PLCB1: variants seen among roughly 807,000 people sequenced by gnomAD.
PLCB1 encodes 1-phosphatidylinositol 4,5-bisphosphate phosphodiesterase beta-1.
PLCB1 carries 46 observed loss-of-function variants against 161.8 expected under a neutral mutation model. The ratio of observed to expected loss-of-function variants is 0.28; its 90% confidence interval spans 0.22 to 0.36. PLCB1 has a LOEUF of 0.36. PLCB1 is among the 10% of genes least tolerant of loss of function. PLCB1 has a pLI of 1.00. For synonymous variants in PLCB1, 517 were observed against 503.7 expected, an observed-to-expected ratio of 1.03 and a Z score of -0.35; for missense variants, 1,016 against 1,472.5, an observed-to-expected ratio of 0.69 and a Z score of 5.07.
intron 2 of PLCB1, among the ~76,000 whole-genome samples, chr20:8,320,889 GAAA>G (rs1984886058): frequency 6.8e-6 from 1 of 148,056 alleles, no homozygotes; most frequent in Non-Finnish European, 1.5e-5. Flanking sequence ...AGGAAAGAAA[GAAA>G]GAGAGAAGAA....
intron 31 of PLCB1, among the ~76,000 whole-genome samples, chr20:8,826,444 G>GGA (rs1203430586): frequency 6.6e-6 from 1 of 151,328 alleles, no homozygotes; most frequent in Non-Finnish European, 1.5e-5. Context: ...GCAGTGAGCA[G>GGA]GAGATCGCGC....
intron 3 of PLCB1, among the ~76,000 whole-genome samples, chr20:8,543,656 C>T (rs751367202): frequency 9.3e-5 from 13 of 140,270 alleles, no homozygotes; most frequent in Non-Finnish European, 1.9e-4. Context: ...ACATCTGATA[C>T]GGTTTGGCTG....
chr20:8,816,937 T>C (rs1270383896), intron 31 of PLCB1, among the ~76,000 whole-genome samples: 1 of 152,218 alleles, frequency 6.6e-6, no homozygotes, highest in African/African-American at 2.4e-5. Context: ...GCCCTTTCTA[T>C]TTCTAGCTTT....
At chr20:8,150,536 G>A (rs923919664) in intron 2 of PLCB1, among the ~76,000 whole-genome samples, 165 bp downstream of exon 2, 9 of 152,084 alleles carry the variant, frequency 5.9e-5, no homozygotes, top group African/African-American at 1.2e-4. Flanking sequence ...GACTTAGGAC[G>A]TTTCAAAGTC....
chr20:8,477,305 G>T (rs761663964), intron 3 of PLCB1, among the ~76,000 whole-genome samples: 25 of 152,180 alleles, frequency 1.6e-4, no homozygotes, highest in Non-Finnish European at 4.4e-5. Flanking sequence ...TAATTGTAAG[G>T]TATTAAAAGT....
At chr20:8,771,569 C>A (rs936257289) in intron 26 of PLCB1, among the ~76,000 whole-genome samples, 3 of 151,984 alleles carry the variant, frequency 2.0e-5, no homozygotes, top group Non-Finnish European at 4.4e-5. Context: ...GATTTAATTT[C>A]ATGGATCTTA....
intron 1 of PLCB1, among the ~76,000 whole-genome samples, chr20:8,149,992 T>C (rs2051493216): frequency 1.3e-5 from 2 of 152,106 alleles, no homozygotes; most frequent in South Asian, 4.1e-4. Context: ...TGATGTTTAG[T>C]GTTAAAATTA....
chr20:8,392,705 G>T (rs1010843932), intron 3 of PLCB1, among the ~76,000 whole-genome samples: 1 of 152,150 alleles, frequency 6.6e-6, no homozygotes, highest in African/African-American at 2.4e-5. Flanking sequence ...TGGGTAGAGT[G>T]GAAGGAACTT....
intron 3 of PLCB1, among the ~76,000 whole-genome samples, chr20:8,477,940 T>C (rs1288172927): frequency 1.3e-5 from 2 of 152,264 alleles, no homozygotes; most frequent in African/African-American, 4.8e-5. Flanking sequence ...CTGTTCCATC[T>C]ATCTCTCCTC....
At chr20:8,291,343 G>C (rs1983374553) in intron 2 of PLCB1, among the ~76,000 whole-genome samples, 1 of 152,084 alleles carries the variant, frequency 6.6e-6, no homozygotes, top group Non-Finnish European at 1.5e-5. Context: ...CCACCTGTGA[G>C]CCTTATTCCT....
chr20:8,739,466 AT>A, intron 21 of PLCB1, 106 bp downstream of exon 21: 2 of 738,342 alleles, frequency 2.7e-6, no homozygotes, highest in Middle Eastern at 2.4e-4. Context: ...CTGCTTTGTA[AT>A]TTTGTTATGT....
chr20:8,806,294 A>T (rs1984533996), intron 31 of PLCB1, among the ~76,000 whole-genome samples: 1 of 151,958 alleles, frequency 6.6e-6, no homozygotes, highest in African/African-American at 2.4e-5. Context: ...TGCCAAGCAG[A>T]AGGAAAGGGA....
intron 31 of PLCB1, among the ~76,000 whole-genome samples, chr20:8,804,329 C>G (rs1040322902): frequency 2.6e-5 from 4 of 152,220 alleles, no homozygotes; most frequent in Middle Eastern, 3.4e-3. Context: ...AACTGAGATA[C>G]CCACTGGGGA....
At position 8,771,797 on chromosome 20, in the gene PLCB1, T is replaced by G. The variant is rs181016104; in HGVS notation, c.2931-2742T>G. Among the ~76,000 whole-genome samples, 205 of 152,300 alleles carry G rather than the reference T, an allele frequency of 1.3e-3. 1 individual carries two copies. The highest frequency in any genetic ancestry group is 4.7e-3 in the African/African-American group (197 of 41,558). On this transcript the variant is annotated intron_variant, in intron 26 of 31. Transcript: ENST00000338037. ...TACCTGTCTTCCATCTCTCTTGATA[T>G]GCAATAAAATCCTGAAAACACCTCA...
intron 3 of PLCB1, among the ~76,000 whole-genome samples, chr20:8,599,817 C>G: frequency 7.4e-6 from 1 of 135,784 alleles, no homozygotes; most frequent in African/African-American, 2.9e-5. Flanking sequence ...TCTTTTTTCT[C>G]TAAACTTCCC....
At chr20:8,842,426 A>G (rs1426842866) in intron 31 of PLCB1, among the ~76,000 whole-genome samples, 3 of 152,148 alleles carry the variant, frequency 2.0e-5, no homozygotes, top group Admixed American at 6.5e-5. Context: ...GCAATGCAAA[A>G]TCTTCTACTG....
At chr20:8,821,541 A>G (rs542117207) in intron 31 of PLCB1, among the ~76,000 whole-genome samples, 27 of 92,966 alleles carry the variant, frequency 2.9e-4, no homozygotes, top group African/African-American at 1.3e-3. Context: ...ATATATATAT[A>G]TATATATATA....
At chr20:8,257,124 G>A (rs1206823956) in intron 2 of PLCB1, among the ~76,000 whole-genome samples, 1 of 152,094 alleles carries the variant, frequency 6.6e-6, no homozygotes, top group Non-Finnish European at 1.5e-5. Flanking sequence ...TTAGATGAAC[G>A]ATTCCCCAAA....
At chr20:8,650,006 C>G (rs1490118815) in intron 7 of PLCB1, 2 of 152,168 alleles carry the variant, frequency 1.3e-5, no homozygotes, top group African/African-American at 4.8e-5. Context: ...CCTCTTTTCA[C>G]TCCTATAACC....
Sources: allele counts gnomAD v4.1 joint callset (sites outside exome capture counted in the v4.1 genomes callset), GRCh38; gene constraint gnomAD v4.1.1; transcripts MANE v1.5; gene names NCBI Gene and HGNC (gene_info 2026-07-23, HGNC 2026-07-21).